WT1: variants seen among roughly 807,000 people sequenced by gnomAD.
WT1 encodes the protein WT1 transcription factor, also known as Wilms tumor protein.
A neutral mutation model predicts 60.8 loss-of-function variants in WT1; 8 were observed. That is an observed-to-expected ratio of 0.13 (90% CI 0.08 to 0.24). The LOEUF (loss-of-function observed/expected upper bound fraction) is 0.24. Ranked by LOEUF, WT1 falls within the 10% of genes least tolerant of loss-of-function variation. The probability of loss-of-function intolerance (pLI) is 1.00; values close to 1 mark genes in which losing one functional copy is unlikely to be tolerated. For synonymous variants in WT1, 312 were observed against 297.1 expected, an observed-to-expected ratio of 1.05 and a Z score of -0.52; for missense variants, 568 against 711.8, an observed-to-expected ratio of 0.80 and a Z score of 2.30.
intron 5 of WT1, among the ~76,000 whole-genome samples, chr11:32,406,729 G>A (rs1010649785): frequency 3.3e-5 from 5 of 152,188 alleles, no homozygotes; most frequent in Admixed American, 2.6e-4. Flanking sequence ...GGCCTGGACT[G>A]TACATTTTGC....
In WT1 at chr11:32,435,417, G is replaced by C; in HGVS notation, c.-57C>G. 2 of 1,265,164 alleles carry C rather than the reference G, an allele frequency of 1.6e-6. No homozygotes were observed. Among genetic ancestry groups the C allele is most frequent in the Non-Finnish European group, 2.1e-6 (2 of 944,970 alleles). The allele number at this position is 1,265,164 out of a possible 1,614,324, so 78.4% of individuals were successfully genotyped here. ...GCCTGGGCTGCCGTCCCGGCTCTGG[G>C]TGGGTGGGTGGGTGAATGAGTAGGT... is the stretch of plus-strand genomic sequence containing the variant. On this transcript the variant is annotated 5_prime_UTR_variant, in exon 1 of 10. Coordinates refer to ENST00000452863, the MANE Select transcript of WT1 (RefSeq NM_024426.6).
intron 5 of WT1, among the ~76,000 whole-genome samples, chr11:32,408,665 AG>A (rs1427489145): frequency 6.6e-5 from 10 of 152,130 alleles, no homozygotes. Context: ...CAAGTTTAAA[AG>A]ACTGTAAGAT....
rs1853120541 is a variant in WT1, at chr11:32,428,034, G to A, written c.809C>T (p.Pro270Leu). The A allele has an allele frequency of 6.2e-7, 1 of 1,609,354 alleles. No homozygotes were observed. Among genetic ancestry groups the A allele is most frequent in the Non-Finnish European group, 8.5e-7 (1 of 1,177,366 alleles). Residue 270 changes from proline to leucine, a missense_variant, in exon 3 of 10, where the codon CCC becomes CTC. By Grantham distance (98) the Pro-to-Leu change is moderately conservative. This residue lies in a region of WT1 where 523 missense variants were observed against 565.1 expected (regional missense o/e 0.93). Transcript: ENST00000452863. ...GGGGGTGTGGCAGCCATAGACCGGG[G>A]GCGGCACCGAGTACTGCTGCTCACC...
At chr11:32,428,145 G>C (rs1344135149) in intron 2 of WT1, 87 bp from the exon 3 acceptor site, 11 of 1,255,326 alleles carry the variant, frequency 8.8e-6, no homozygotes, top group Non-Finnish European at 1.2e-5. Flanking sequence ...GGAGACACGA[G>C]ATCCTGAGCC....
chr11:32,411,161 T>A (rs1590364665), intron 5 of WT1, among the ~76,000 whole-genome samples: 1 of 152,030 alleles, frequency 6.6e-6, no homozygotes, highest in East Asian at 1.9e-4. Flanking sequence ...CATTTCCAAC[T>A]TGGCCCCTTC....
chr11:32,434,889 C>T lies in WT1; in HGVS notation c.472G>A (p.Glu158Lys), dbSNP rs1565001383. 1 of 1,611,894 alleles carries T rather than the reference C, an allele frequency of 6.2e-7. No individual in the cohort carries two copies. The change falls in exon 1 of 10, where the codon GAG becomes AAG. Residue 158 changes from glutamate (E) to lysine (K), a missense_variant. Physicochemically the swap from Glu to Lys is moderately conservative, Grantham distance 56. Transcript: ENST00000452863. ...GTGAAGGCGCTCAGGCACTGCTCCT[C>T]GTGCGGCTCCGCGCCGCCCCAGCTC...
At chr11:32,398,346 T>C (rs1031718590) in intron 6 of WT1, among the ~76,000 whole-genome samples, 3 of 152,222 alleles carry the variant, frequency 2.0e-5, no homozygotes, top group African/African-American at 7.2e-5. Context: ...TTGATGTTTA[T>C]AAGCCATAAA....
At chr11:32,391,269 A>G (rs1431745219) in intron 9 of WT1, among the ~76,000 whole-genome samples, 2 of 152,226 alleles carry the variant, frequency 1.3e-5, no homozygotes, top group African/African-American at 2.4e-5. Context: ...GGCATGAGCC[A>G]CCACAGCCGG....
chr11:32,428,192 G>A (rs796612249), intron 2 of WT1, 134 bp from the exon 3 acceptor site: 55 of 924,358 alleles, frequency 6.0e-5, no homozygotes, highest in African/African-American at 2.5e-4. Flanking sequence ...CGTGCAGAGC[G>A]AGGCCGTCCA....
chr11:32,403,601 G>A lies in WT1; in HGVS notation c.1017-3557C>T, dbSNP rs533070653. ...TTTTTTTTTTTTTTTTTGAGACAGA[G>A]TCTGGCTCTGTCGCCCAGGCTGGAG... is the stretch of plus-strand genomic sequence containing the variant. On this transcript the variant is annotated intron_variant, in intron 5 of 9. Transcript: ENST00000452863. Among the ~76,000 whole-genome samples the A allele has an allele frequency of 3.0e-4, 43 of 141,590 alleles. No homozygotes were observed. The East Asian group carries it at 7.6e-3, about 25-fold the overall frequency. 92.9% of individuals were successfully genotyped at this position (141,590 alleles called of 152,430 possible).
chr11:32,408,578 G>A (rs1852399720), intron 5 of WT1, among the ~76,000 whole-genome samples: 1 of 149,184 alleles, frequency 6.7e-6, no homozygotes, highest in South Asian at 2.1e-4. Context: ...GAAGGCAGAG[G>A]AAGGGAGGGA....
At chr11:32,392,539 G>T in intron 8 of WT1, 127 bp downstream of exon 8, 1 of 923,526 alleles carries the variant, frequency 1.1e-6, no homozygotes, top group Middle Eastern at 2.1e-4. Context: ...GATTATGGGG[G>T]GAAAATACTG....
chr11:32,405,660 T>C lies in WT1; in HGVS notation c.1017-5616A>G, dbSNP rs951107545. On this transcript the variant is annotated intron_variant, in intron 5 of 9. Coordinates refer to ENST00000452863, the MANE Select transcript of WT1 (RefSeq NM_024426.6). Reference sequence around the variant, plus strand: ...AACTTCCTCCCTGGCCTCAGCTTCATGTAAAATGAAAATTACAGCACTTCC... The same window carrying C: ...AACTTCCTCCCTGGCCTCAGCTTCACGTAAAATGAAAATTACAGCACTTCC... Among the ~76,000 whole-genome samples the C allele has an allele frequency of 2.6e-5, 4 of 152,108 alleles. No homozygotes were observed. The East Asian group carries it at 7.7e-4, about 29-fold the overall frequency.
chr11:32,401,666 A>G (rs902664683), intron 5 of WT1, among the ~76,000 whole-genome samples: 3 of 151,992 alleles, frequency 2.0e-5, no homozygotes, highest in African/African-American at 4.8e-5. Flanking sequence ...CAGCCTCCGG[A>G]GTAGCTGGGA....
chr11:32,416,677 T>C (rs1852683794), intron 4 of WT1, 137 bp from the exon 5 acceptor site: 2 of 1,100,884 alleles, frequency 1.8e-6, no homozygotes, highest in Non-Finnish European at 1.4e-6. Context: ...CTGAACTAAG[T>C]CCCCAGTCCC....
chr11:32,416,575 G>A (rs1291356957), intron 4 of WT1, 35 bp from the exon 5 acceptor site: 38 of 1,613,398 alleles, frequency 2.4e-5, no homozygotes, highest in Non-Finnish European at 3.1e-5. Flanking sequence ...GTGGGGAATG[G>A]AGCATGCATG....
rs901264376 is a variant in WT1, at chr11:32,396,405, A to G, written c.1116T>C (p.Asp372=). The G allele has an allele frequency of 1.8e-5, 29 of 1,613,700 alleles. No individual in the cohort carries two copies. The highest frequency in any genetic ancestry group is 2.1e-5 in the Non-Finnish European group (25 of 1,180,030). ...GGGCTACTCCAGGCACACGTCGCAC[A>G]TCCTGCAGGCAGAGAGTAAGAGGAA... The change falls in exon 7 of 10, where the codon GAT becomes GAC. Residue 372 remains aspartate, a splice_region_variant and synonymous_variant. Transcript: ENST00000452863.
chr11:32,388,834 T>C lies in WT1; in HGVS notation c.*224A>G, dbSNP rs5030316. On this transcript the variant is annotated 3_prime_UTR_variant, in exon 10 of 10. Transcript: ENST00000452863. ...TTTTAACTAACCAGACATTGTTAGC[T>C]GCTTCTCCAGGGCCTGTGAGTCAAC... 71,422 of 707,270 alleles carry C rather than the reference T, an allele frequency of 0.1. 4,806 individuals carry two copies. The highest frequency in any genetic ancestry group is 0.26 in the African/African-American group (14,719 of 55,994). 43.8% of individuals were successfully genotyped at this position (707,270 alleles called of 1,614,324 possible). A position where few individuals can be genotyped will look rare whatever the true frequency, so the allele number is the denominator to read the frequency against.
intron 5 of WT1, among the ~76,000 whole-genome samples, chr11:32,413,149 T>A (rs1001794915): frequency 6.6e-6 from 1 of 152,200 alleles, no homozygotes; most frequent in African/African-American, 2.4e-5. Context: ...AGGTGCATGA[T>A]CTTTTAATAA....
Sources: allele counts gnomAD v4.1 joint callset (sites outside exome capture counted in the v4.1 genomes callset), GRCh38; gene constraint gnomAD v4.1.1; regional missense constraint gnomAD v4.1.1; transcripts MANE v1.5; gene names NCBI Gene and HGNC (gene_info 2026-07-23, HGNC 2026-07-21).